Variants in DDX3X observed in about 807,000 individuals in gnomAD.
The protein encoded by DDX3X is DEAD-box helicase 3 X-linked, also known as ATP-dependent RNA helicase DDX3X.
DDX3X carries 4 observed loss-of-function variants against 52.7 expected under a neutral mutation model. The ratio of observed to expected loss-of-function variants is 0.08; its 90% CI spans 0.04 to 0.17. The LOEUF (loss-of-function observed/expected upper bound fraction) is 0.17. Ranked by LOEUF, DDX3X falls within the 10% of genes least tolerant of loss-of-function variation. The pLI is 1.00. For synonymous variants in DDX3X, 192 were observed against 178.1 expected, an observed-to-expected ratio of 1.08 and a Z score of -0.62; for missense variants, 222 against 548.6, an observed-to-expected ratio of 0.40 and a Z score of 5.95.
At chrX:41,362,278 G>A (rs372486976) in intron 5 of DDX3X, among the ~76,000 whole-genome samples, 4 of 109,788 alleles carry the variant, frequency 3.6e-5, no homozygotes, top group East Asian at 2.9e-4. Context: ...TAGTAGAGAC[G>A]GGGTTTTGCC....
chrX:41,360,880 G>T (rs1020695618), intron 5 of DDX3X, among the ~76,000 whole-genome samples: 6 of 107,145 alleles, frequency 5.6e-5, no homozygotes, highest in African/African-American at 1.7e-4. Flanking sequence ...ATCTTTGTTT[G>T]GGGGGGGCAC....
intron 4 of DDX3X, 107 bp from the exon 5 acceptor site, chrX:41,342,388 C>A: frequency 2.2e-6 from 2 of 901,262 alleles, no homozygotes; most frequent in South Asian, 2.4e-5. Flanking sequence ...TGTTGACATC[C>A]TTATGGTTAG....
chrX:41,347,973 T>TC lies in DDX3X; in HGVS notation c.*257dup. On this transcript the variant is annotated 3_prime_UTR_variant, in exon 17 of 17. Coordinates refer to ENST00000644876, the MANE Select transcript of DDX3X (RefSeq NM_001356.5). ...TTAACTCCCCTCCCGCCTACCCCCA[T>TC]CCCAAACTGCATTTATAATTTTGTG... 1 of 343,523 alleles carries TC rather than the reference T, an allele frequency of 2.9e-6. No individual in the cohort carries two copies. Among genetic ancestry groups the TC allele is most frequent in the Non-Finnish European group, 5.0e-6 (1 of 200,220 alleles). 28.3% of individuals were successfully genotyped at this position (343,523 alleles called of 1,213,427 possible).
chrX:41,343,187 A>T (rs1162263435), intron 6 of DDX3X, 29 bp from the exon 7 acceptor site: 2 of 1,193,159 alleles, frequency 1.7e-6, no homozygotes, highest in South Asian at 1.9e-5. Flanking sequence ...TCTAGATAGC[A>T]TTCCTAACCC....
In DDX3X at chrX:41,349,750, TG is replaced by T. The variant is rs1365411949; in HGVS notation, c.*2032del. The T allele has an allele frequency of 8.9e-6, 1 of 111,810 alleles. No individual in the cohort carries two copies. Among genetic ancestry groups the T allele is most frequent in the Non-Finnish European group, 1.9e-5 (1 of 53,131 alleles). 9.2% of individuals were successfully genotyped at this position (111,810 alleles called of 1,213,427 possible). The stretch of plus-strand genomic sequence containing the variant: ...TGGCAGTGTAGCCATAACTTTCTGA[TG>T]TTAGTAAAAACAAAATTGGCGACTT... On this transcript the variant is annotated 3_prime_UTR_variant, in exon 17 of 17. Transcript: ENST00000644876.
intron 3 of DDX3X, chrX:41,339,908 CTTTTTTTTTTT>C (rs11291103): frequency 4.6e-5 from 3 of 65,197 alleles, no homozygotes; most frequent in African/African-American, 7.1e-5. Flanking sequence ...ATCACTTTGG[CTTTTTTTTTTT>C]TTTTTTTTTT....
intron 5 of DDX3X, chrX:41,357,739 A>C (rs1179165643): frequency 3.5e-6 from 1 of 282,464 alleles, no homozygotes; most frequent in Non-Finnish European, 6.2e-6. Context: ...TGCAGCCTAA[A>C]TTTATTTTTA....
chrX:41,347,162 T>C (rs1429657528), intron 15 of DDX3X, 150 bp downstream of exon 15: 1 of 901,760 alleles, frequency 1.1e-6, no homozygotes, highest in Non-Finnish European at 1.6e-6. Context: ...TAAGGGGTTG[T>C]ATTAGAATGG....
rs1335773616 is a variant in DDX3X, at chrX:41,339,024, A to AT, written c.104-11dup. 9.1e-6 allele frequency: 8 copies of AT among 877,279 alleles called. No homozygotes were observed. The African/African-American group carries it at 1.7e-4, about 19-fold the overall frequency. 72.3% of individuals were successfully genotyped at this position (877,279 alleles called of 1,213,427 possible). ...CATTTAATTAATTTTATATATATATATATTTTTTTAGAAGGGCGCTATATT... is the reference window on the plus strand; with the variant it reads ...CATTTAATTAATTTTATATATATATATTATTTTTTTAGAAGGGCGCTATATT... On this transcript the variant is annotated splice_polypyrimidine_tract_variant and intron_variant, in intron 2 of 16. Coordinates refer to ENST00000644876, the MANE Select transcript of DDX3X (RefSeq NM_001356.5).
intron 5 of DDX3X, among the ~76,000 whole-genome samples, chrX:41,362,957 C>T (rs2064035211): frequency 8.9e-6 from 1 of 112,114 alleles, no homozygotes; most frequent in South Asian, 3.7e-4. Flanking sequence ...AAGGATCTAA[C>T]ATGAAAGCAC....
At chrX:41,342,357 T>C in intron 4 of DDX3X, 138 bp from the exon 5 acceptor site, 2 of 639,578 alleles carry the variant, frequency 3.1e-6, no homozygotes, top group Middle Eastern at 3.7e-4. Flanking sequence ...GCCTTATTTG[T>C]CAAGTAACTC....
At chrX:41,343,845 G>A (rs2063886162) in intron 8 of DDX3X, 23 bp downstream of exon 8, 2 of 1,168,292 alleles carry the variant, frequency 1.7e-6, no homozygotes, top group Non-Finnish European at 2.3e-6. Context: ...TTATAAAATG[G>A]GAAATTGTAG....
chrX:41,334,833 T>G (rs2063738196), intron 1 of DDX3X: 6 of 817,901 alleles, frequency 7.3e-6, no homozygotes, highest in Non-Finnish European at 9.3e-6. Context: ...CGGCGGCCTC[T>G]TTTGTGTGGT....
Position 41,349,043 on chromosome X carries a change from T to G in DDX3X, c.*1324T>G, listed in dbSNP as rs1001964578. 1.2e-4 allele frequency: 13 copies of G among 112,489 alleles called. No individual in the cohort carries two copies. Among genetic ancestry groups the G allele is most frequent in the African/African-American group, 4.2e-4 (13 of 30,902 alleles). The allele number at this position is 112,489 out of a possible 1,213,427, so 9.3% of individuals were successfully genotyped here. A position where few individuals can be genotyped will look rare whatever the true frequency, so the allele number is the denominator to read the frequency against. ...CACCACTAAAATGCCTCTGCCACTT[T>G]GAATTCTGTGCTAATTTTGTGGCCA... On this transcript the variant is annotated 3_prime_UTR_variant, in exon 17 of 17. Transcript: ENST00000644876.
rs2063892480 is a variant in DDX3X, at chrX:41,344,291, T to C, written c.917T>C (p.Ile306Thr). ...TGCGTGGTTTATGGTGGTGCCGATA[T>C]TGGTCAGCAGATTCGAGACTTGGAA... ...RPCVVYGGAD[I>T]GQQIRDLERG... The change falls in exon 10 of 17, where the codon ATT (isoleucine) becomes ACT (threonine). Residue 306 changes from isoleucine to threonine, a missense_variant. Ile to Thr is a moderately conservative substitution (Grantham distance 89). Around this residue, in one of 5 missense-constraint regions of DDX3X, gnomAD observed 73 missense variants for 301.4 expected, o/e 0.24. Transcript: ENST00000644876. 1.7e-6 allele frequency: 2 copies of C among 1,210,362 alleles called. No individual in the cohort carries two copies. The highest frequency in any genetic ancestry group is 2.2e-5 in the Admixed American group (1 of 45,793).
At chrX:41,352,882 A>G (rs1395656839), downstream of DDX3X, among the ~76,000 whole-genome samples, 1 of 111,679 alleles carries the variant, frequency 9.0e-6, no homozygotes, top group Non-Finnish European at 1.9e-5. Context: ...TTTGTTTCAG[A>G]CTTAGCATTG....
chrX:41,364,215 C>T (rs1186130767), intron 5 of DDX3X: 19 of 294,239 alleles, frequency 6.5e-5, no homozygotes, highest in Non-Finnish European at 1.0e-4. Flanking sequence ...GGGGCGGGTG[C>T]CCCTTCCCAA....
At chrX:41,360,113 C>T (rs2064023652) in intron 5 of DDX3X, among the ~76,000 whole-genome samples, 2 of 111,169 alleles carry the variant, frequency 1.8e-5, no homozygotes, top group Non-Finnish European at 3.8e-5. Flanking sequence ...CATGGTGGCT[C>T]ATGCCTGTAA....
intron 3 of DDX3X, 166 bp from the exon 4 acceptor site, chrX:41,341,314 TAAAG>T: frequency 7.3e-6 from 3 of 408,206 alleles, no homozygotes; most frequent in Non-Finnish European, 1.2e-5. Flanking sequence ...TGGGGAGAAT[TAAAG>T]AAAAACTTTG....
Sources: allele counts gnomAD v4.1 joint callset (sites outside exome capture counted in the v4.1 genomes callset), GRCh38; gene constraint gnomAD v4.1.1; regional missense constraint gnomAD v4.1.1; transcripts MANE v1.5; gene names NCBI Gene and HGNC (gene_info 2026-07-23, HGNC 2026-07-21).